ARID1B: variants seen among roughly 807,000 people sequenced by gnomAD.
ARID1B encodes the protein AT-rich interaction domain 1B, also known as AT-rich interactive domain-containing protein 1B.
A neutral mutation model predicts 212.3 loss-of-function variants in ARID1B; 30 were observed. That is an observed-to-expected ratio of 0.14 (90% CI 0.11 to 0.19). The LOEUF is 0.19. Ranked by LOEUF, ARID1B falls within the 10% of genes least tolerant of loss-of-function variation. ARID1B has a pLI of 1.00. For synonymous variants in ARID1B, 1,402 were observed against 1,301.7 expected (o/e 1.08, Z -1.66); for missense variants, 2,891 against 3,204.0 (o/e 0.90, Z 2.36).
At chr6:156,966,794 G>A (rs1002227246) in intron 4 of ARID1B, among the ~76,000 whole-genome samples, 13 of 152,334 alleles carry the variant, frequency 8.5e-5, no homozygotes, top group African/African-American at 2.6e-4. Flanking sequence ...TCCGCCTTTC[G>A]GGTTCAAGCG....
intron 4 of ARID1B, among the ~76,000 whole-genome samples, chr6:156,994,016 T>C (rs575325020): frequency 2.6e-5 from 4 of 152,378 alleles, no homozygotes; most frequent in Admixed American, 2.6e-4. Context: ...GAAAGCATTA[T>C]GTAGGAACGT....
chr6:157,077,701 G>A (rs1304966993), intron 4 of ARID1B, among the ~76,000 whole-genome samples: 5 of 152,100 alleles, frequency 3.3e-5, no homozygotes, highest in African/African-American at 1.2e-4. Flanking sequence ...AGAATTTTCT[G>A]CACTTCATTG....
intron 5 of ARID1B, among the ~76,000 whole-genome samples, chr6:157,099,230 G>A (rs1785886953): frequency 6.6e-6 from 1 of 152,198 alleles, no homozygotes; most frequent in South Asian, 2.1e-4. Flanking sequence ...TTACAAGCGT[G>A]AGCCATTGCG....
chr6:156,897,588 A>C (rs1185796708), intron 2 of ARID1B, among the ~76,000 whole-genome samples: 2 of 151,780 alleles, frequency 1.3e-5, no homozygotes, highest in Non-Finnish European at 2.9e-5. Context: ...TCTTATTTTT[A>C]AATAACAAAT....
intron 2 of ARID1B, among the ~76,000 whole-genome samples, chr6:156,846,956 T>G (rs1010920031): frequency 6.6e-6 from 1 of 152,224 alleles, no homozygotes; most frequent in Non-Finnish European, 1.5e-5. Context: ...TTATCACTTG[T>G]CTTTCTGCTT....
At chr6:156,803,994 G>A (rs1780977205) in intron 1 of ARID1B, among the ~76,000 whole-genome samples, 1 of 152,130 alleles carries the variant, frequency 6.6e-6, no homozygotes, top group Non-Finnish European at 1.5e-5. Flanking sequence ...AGAGGTAATA[G>A]TAGTTGTAAC....
chr6:157,193,554 G>C (rs1793528801), intron 15 of ARID1B: 2 of 152,226 alleles, frequency 1.3e-5, no homozygotes, highest in Non-Finnish European at 2.9e-5. Flanking sequence ...GAGCCAGGCT[G>C]AGAGCTCTGC....
intron 2 of ARID1B, among the ~76,000 whole-genome samples, chr6:156,881,826 G>A (rs747748097): frequency 6.6e-6 from 1 of 152,182 alleles, no homozygotes; most frequent in Non-Finnish European, 1.5e-5. Flanking sequence ...GCGAAGATGT[G>A]TTCTTGACTA....
At chr6:156,893,060 T>TTTTTTTTTTTGG (rs1268821728) in intron 2 of ARID1B, among the ~76,000 whole-genome samples, 1 of 137,700 alleles carries the variant, frequency 7.3e-6, no homozygotes. Context: ...TTTTTTTTTT[T>TTTTTTTTTTTGG]GAGATGGAGT....
At chr6:157,040,155 G>T (rs1781782318) in intron 4 of ARID1B, among the ~76,000 whole-genome samples, 1 of 152,102 alleles carries the variant, frequency 6.6e-6, no homozygotes, top group Non-Finnish European at 1.5e-5. Context: ...GGCCAGGATG[G>T]TCTCGATCTC....
intron 4 of ARID1B, among the ~76,000 whole-genome samples, chr6:156,992,593 C>T (rs745837437): frequency 6.6e-6 from 1 of 152,130 alleles, no homozygotes; most frequent in Non-Finnish European, 1.5e-5. Flanking sequence ...GCACCAGGGC[C>T]GTAGGTTTTG....
intron 2 of ARID1B, among the ~76,000 whole-genome samples, chr6:156,865,044 T>A (rs187450815): frequency 6.6e-6 from 1 of 152,340 alleles, no homozygotes; most frequent in Admixed American, 6.5e-5. Context: ...AGTTATGTCA[T>A]CAGTTTTATC....
At position 156,982,833 on chromosome 6, in the gene ARID1B, A is replaced by G. The variant is rs375422917; in HGVS notation, c.2247+47257A>G. On this transcript the variant is annotated intron_variant, in intron 4 of 19. Transcript: ENST00000636930. The stretch of plus-strand genomic sequence containing the variant: ...TTACAATGTTTCTTCTATTCCTTGC[A>G]TTATCTGTTTCTTCTGAATTACCCT... Among the ~76,000 whole-genome samples the G allele has an allele frequency of 1.8e-4, 27 of 152,014 alleles. No homozygotes were observed. In the South Asian group the frequency reaches 4.8e-3, roughly 27 times the overall value.
chr6:156,917,766 A>G (rs1194457962), intron 3 of ARID1B, among the ~76,000 whole-genome samples: 2 of 152,230 alleles, frequency 1.3e-5, no homozygotes, highest in Non-Finnish European at 2.9e-5. Flanking sequence ...GTTCAATATC[A>G]TTTAAAACAG....
chr6:157,099,412 A>T (rs1785904983), intron 5 of ARID1B, among the ~76,000 whole-genome samples: 1 of 152,126 alleles, frequency 6.6e-6, no homozygotes, highest in Non-Finnish European at 1.5e-5. Context: ...CCCAAAAGGG[A>T]TCTCATGGGT....
Position 156,978,104 on chromosome 6 carries a change from G to C in ARID1B, c.2247+42528G>C, listed in dbSNP as rs367767557. ...AACGTGACTCTGCCGAGTATGGGAG[G>C]GAAGACTGCCAATACCAGGAGCGTT... On this transcript the variant is annotated intron_variant, in intron 4 of 19. Coordinates refer to ENST00000636930, the MANE Select transcript of ARID1B (RefSeq NM_001374828.1). Among the ~76,000 whole-genome samples, 5 of 152,280 alleles carry C rather than the reference G, an allele frequency of 3.3e-5. No homozygotes were observed. In the East Asian group the frequency reaches 9.7e-4, roughly 29 times the overall value.
intron 4 of ARID1B, among the ~76,000 whole-genome samples, chr6:156,971,758 C>T (rs1477301650): frequency 6.6e-6 from 1 of 152,184 alleles, no homozygotes; most frequent in Non-Finnish European, 1.5e-5. Flanking sequence ...CTTGCTTCCT[C>T]AAGGCCAGCC....
intron 2 of ARID1B, among the ~76,000 whole-genome samples, chr6:156,874,400 C>A (rs1209558596): frequency 3.3e-5 from 5 of 152,138 alleles, no homozygotes; most frequent in Admixed American, 3.3e-4. Context: ...GGAGTAGGGG[C>A]CCTGACTCTC....
rs150153898 is a variant in ARID1B, at chr6:157,206,697, C to T, written c.5925C>T (p.Ser1975=). 187 of 1,612,650 alleles carry T rather than the reference C, an allele frequency of 1.2e-4. No homozygotes were observed. The highest frequency in any genetic ancestry group is 1.5e-4 in the Non-Finnish European group (179 of 1,179,984). ...GGCGCCCACCTCCCCCCTTAAGCTC[C>T]GCAGGTAGAAAGAAAGAGCAAGAAG... The part of the protein sequence containing the change: ...PRRRPPPPLS[S]AGRKKEQEGK... Residue 1975 remains serine (S), a synonymous_variant, in exon 20 of 20, where the codon TCC becomes TCT. Coordinates refer to ENST00000636930, the MANE Select transcript of ARID1B (RefSeq NM_001374828.1). This position sits in a 1 kb window ranked among gnomAD's most constrained non-coding sequence, Gnocchi z 6.8.
Sources: allele counts gnomAD v4.1 joint callset (sites outside exome capture counted in the v4.1 genomes callset), GRCh38; gene constraint gnomAD v4.1.1; non-coding constraint Gnocchi (gnomAD v3.1); transcripts MANE v1.5; gene names NCBI Gene and HGNC (gene_info 2026-07-23, HGNC 2026-07-21).